The following ALK variants were observed in gnomAD, a reference collection of about 807,000 sequenced individuals.
ALK encodes the protein ALK receptor tyrosine kinase.
In ALK, 74 loss-of-function variants were observed where a neutral mutation model predicts 163.1. The ratio of observed to expected loss-of-function variants is 0.45; its 90% CI spans 0.38 to 0.55. The LOEUF (loss-of-function observed/expected upper bound fraction) is 0.55. Among genes scored for constraint, ALK ranks in the 20% least tolerant of loss-of-function variants. ALK has a pLI of 0.00. For missense variants in ALK, 2,063 were observed against 2,105.3 expected (o/e 0.98, Z 0.39); for synonymous variants, 960 against 843.2 (o/e 1.14, Z -2.40).
chr2:29,701,718 C>T (rs541853206), intron 2 of ALK, among the ~76,000 whole-genome samples: 1 of 152,258 alleles, frequency 6.6e-6, no homozygotes, highest in East Asian at 1.9e-4. Flanking sequence ...TCGCCAAGGA[C>T]TCACTGGGGC....
intron 1 of ALK, among the ~76,000 whole-genome samples, chr2:29,850,154 T>A (rs1232966111): frequency 6.6e-6 from 1 of 152,152 alleles, no homozygotes; most frequent in Non-Finnish European, 1.5e-5. Flanking sequence ...GCAATGAGGA[T>A]GAATCAATCT....
intron 1 of ALK, among the ~76,000 whole-genome samples, chr2:29,719,426 T>C (rs1375792172): frequency 1.3e-5 from 2 of 152,300 alleles, no homozygotes; most frequent in African/African-American, 2.4e-5. Context: ...CACCTGCACA[T>C]CAACTCTGTT....
intron 4 of ALK, among the ~76,000 whole-genome samples, chr2:29,502,182 T>C (rs928729856): frequency 6.6e-6 from 1 of 152,136 alleles, no homozygotes; most frequent in Non-Finnish European, 1.5e-5. Context: ...TTGCGAAGCA[T>C]ATAGTCCATG....
Position 29,505,787 on chromosome 2 carries a change from T to C in ALK, c.1154+26128A>G, listed in dbSNP as rs143929835. ...GCACCATTCAGCTCTTTCCATAATC[T>C]AAGGCAGCTACACTAATTGAAAAAA... On this transcript the variant is annotated intron_variant, in intron 4 of 28. Coordinates refer to ENST00000389048, the MANE Select transcript of ALK (RefSeq NM_004304.5). Among the ~76,000 whole-genome samples the C allele has an allele frequency of 5.3e-4, 76 of 142,638 alleles. No individual in the cohort carries two copies. In the East Asian group the frequency reaches 0.013, roughly 24 times the overall value. The allele number at this position is 142,638 out of a possible 152,430, so 93.6% of individuals were successfully genotyped here.
chr2:29,258,047 C>T (rs548682959), intron 11 of ALK, among the ~76,000 whole-genome samples: 2 of 152,164 alleles, frequency 1.3e-5, no homozygotes, highest in Non-Finnish European at 2.9e-5. Flanking sequence ...CTATATTACC[C>T]AGGCTGGTCT....
At chr2:29,789,572 C>T (rs1202993732) in intron 1 of ALK, among the ~76,000 whole-genome samples, 1 of 152,172 alleles carries the variant, frequency 6.6e-6, no homozygotes, top group Non-Finnish European at 1.5e-5. Context: ...AAGATGCCAG[C>T]CTGGATTAAA....
chr2:29,470,205 A>G (rs1671316809), intron 4 of ALK, among the ~76,000 whole-genome samples: 1 of 152,150 alleles, frequency 6.6e-6, no homozygotes. Context: ...GGAAGAAGAA[A>G]AAAAAGACAG....
At chr2:29,384,372 A>G (rs571106245) in intron 4 of ALK, among the ~76,000 whole-genome samples, 1 of 152,328 alleles carries the variant, frequency 6.6e-6, no homozygotes, top group South Asian at 2.1e-4. Flanking sequence ...TATTTACTGC[A>G]GGAAAATTAA....
At chr2:29,254,769 T>TAAC (rs1310649106) in intron 11 of ALK, among the ~76,000 whole-genome samples, 2 of 152,218 alleles carry the variant, frequency 1.3e-5, no homozygotes, top group African/African-American at 4.8e-5. Flanking sequence ...AAAACGTGTG[T>TAAC]AACTTTGCAT....
chr2:29,543,328 A>G (rs1673464467), intron 3 of ALK, among the ~76,000 whole-genome samples: 1 of 152,240 alleles, frequency 6.6e-6, no homozygotes, highest in Admixed American at 6.5e-5. Context: ...ACATTTAAAC[A>G]GGAGAGACTA....
chr2:29,221,552 T>A (rs575503942), intron 22 of ALK, among the ~76,000 whole-genome samples: 76 of 152,218 alleles, frequency 5.0e-4, no homozygotes, highest in Non-Finnish European at 9.4e-4. Context: ...TTCTTCAATA[T>A]AATCTCATAC....
At chr2:29,757,381 C>T (rs1462438818) in intron 1 of ALK, among the ~76,000 whole-genome samples, 1 of 152,178 alleles carries the variant, frequency 6.6e-6, no homozygotes, top group Non-Finnish European at 1.5e-5. Context: ...TAACCACTCA[C>T]CCAGTTATAT....
chr2:29,670,419 G>GT (rs1347501780), intron 3 of ALK, among the ~76,000 whole-genome samples: 4 of 151,714 alleles, frequency 2.6e-5, no homozygotes, highest in Non-Finnish European at 5.9e-5. Flanking sequence ...TGTTATTTCA[G>GT]TTTTTTTTCT....
At chr2:29,289,751 G>C (rs534759568) in intron 9 of ALK, among the ~76,000 whole-genome samples, 6 of 152,180 alleles carry the variant, frequency 3.9e-5, no homozygotes, top group Non-Finnish European at 8.8e-5. Flanking sequence ...TCTGCTGAGA[G>C]TGGATGAGCA....
intron 3 of ALK, among the ~76,000 whole-genome samples, chr2:29,552,170 A>T (rs917062013): frequency 1.1e-4 from 17 of 152,170 alleles, no homozygotes; most frequent in African/African-American, 4.1e-4. Context: ...AAGTTCATCT[A>T]TTTCACAGCA....
chr2:29,488,241 C>T (rs1390900144), intron 4 of ALK, among the ~76,000 whole-genome samples: 1 of 152,152 alleles, frequency 6.6e-6, no homozygotes, highest in African/African-American at 2.4e-5. Context: ...AGGCAACTGA[C>T]AAGTTCCTAC....
intron 9 of ALK, among the ~76,000 whole-genome samples, chr2:29,279,029 A>T (rs1307644310): frequency 6.6e-6 from 1 of 152,060 alleles, no homozygotes; most frequent in East Asian, 1.9e-4. Flanking sequence ...GCTCCCTGGG[A>T]AGCTGCATGT....
intron 3 of ALK, among the ~76,000 whole-genome samples, chr2:29,668,226 T>G (rs1473014891): frequency 6.6e-6 from 1 of 152,018 alleles, no homozygotes; most frequent in Non-Finnish European, 1.5e-5. Flanking sequence ...TAAAAATAAC[T>G]TTTTGTTTTG....
intron 5 of ALK, among the ~76,000 whole-genome samples, chr2:29,332,014 T>C (rs1204193801): frequency 1.3e-5 from 2 of 151,864 alleles, no homozygotes; most frequent in East Asian, 1.9e-4. Context: ...CAGCCAGGCG[T>C]GGTAGCTCAC....
Sources: allele counts gnomAD v4.1 joint callset (sites outside exome capture counted in the v4.1 genomes callset), GRCh38; gene constraint gnomAD v4.1.1; transcripts MANE v1.5; gene names NCBI Gene and HGNC (gene_info 2026-07-23, HGNC 2026-07-21).